Variants in BAZ1B observed in about 807,000 individuals in gnomAD.
BAZ1B encodes tyrosine-protein kinase BAZ1B.
In BAZ1B, 22 loss-of-function variants were observed where a neutral mutation model predicts 153.8. The observed-to-expected ratio is 0.14, with a 90% CI of 0.10 to 0.20. The LOEUF is 0.20. BAZ1B is among the 10% of genes least tolerant of loss of function. The probability of loss-of-function intolerance (pLI) is 1.00; values close to 1 mark genes in which losing one functional copy is unlikely to be tolerated. For synonymous variants in BAZ1B, 676 were observed against 633.4 expected (o/e 1.07, Z -1.01); for missense variants, 1,325 against 1,799.3 (o/e 0.74, Z 4.77).
chr7:73,477,834 G>A lies in BAZ1B; in HGVS notation c.1627C>T (p.Arg543Trp), dbSNP rs781855915. 1 of 1,613,434 alleles carries A rather than the reference G, an allele frequency of 6.2e-7. No homozygotes were observed. Among genetic ancestry groups the A allele is most frequent in the Non-Finnish European group, 8.5e-7 (1 of 1,179,936 alleles). ...CGTTTCTTTTTCAAATATTCTTTCCGTTGTTCTTCAGACATAGAAGCCCAC... is the reference window on the plus strand; with the variant it reads ...CGTTTCTTTTTCAAATATTCTTTCCATTGTTCTTCAGACATAGAAGCCCAC... ...KRWASMSEEQ[R>W]KEYLKKKREE... The change falls in exon 7 of 20, where the codon CGG becomes TGG. Residue 543 changes from arginine (R) to tryptophan (W), a missense_variant. Transcript: ENST00000339594. This position sits in a 1 kb window ranked among gnomAD's most constrained non-coding sequence, Gnocchi z 5.6.
At chr7:73,466,796 TTCAAGTGTCAAA>T (rs1554571224) in intron 9 of BAZ1B, among the ~76,000 whole-genome samples, 3 of 152,232 alleles carry the variant, frequency 2.0e-5, no homozygotes, top group African/African-American at 7.2e-5. Context: ...CCTTGGAGGC[TTCAAGTGTCAAA>T]TAATACAACT....
chr7:73,471,870 A>AT (rs1336683669), intron 7 of BAZ1B, among the ~76,000 whole-genome samples: 1 of 151,810 alleles, frequency 6.6e-6, no homozygotes, highest in Non-Finnish European at 1.5e-5. Flanking sequence ...AAGGTAAATG[A>AT]TTAAAAAAAA....
intron 8 of BAZ1B, 29 bp downstream of exon 8, chr7:73,470,316 G>A: frequency 6.3e-7 from 1 of 1,588,894 alleles, no homozygotes; most frequent in Non-Finnish European, 8.6e-7. Context: ...TAGTCCTAAA[G>A]AAAACAAAAA....
intron 17 of BAZ1B, 95 bp from the exon 18 acceptor site, chr7:73,442,923 A>G: frequency 1.1e-6 from 1 of 934,512 alleles, no homozygotes; most frequent in East Asian, 2.6e-5. Flanking sequence ...AAAAAGGAAG[A>G]GAGTTCAACT....
At chr7:73,501,292 A>G (rs190048807) in intron 3 of BAZ1B, among the ~76,000 whole-genome samples, 69 of 152,238 alleles carry the variant, frequency 4.5e-4, no homozygotes, top group Non-Finnish European at 8.5e-4. Flanking sequence ...CAAAAACAAC[A>G]GATTTCAAAC....
chr7:73,446,962 G>T (rs565380750), intron 16 of BAZ1B, among the ~76,000 whole-genome samples: 1 of 152,244 alleles, frequency 6.6e-6, no homozygotes, highest in East Asian at 1.9e-4. Flanking sequence ...CCCATATGCC[G>T]AGGAGCTGAG....
intron 4 of BAZ1B, among the ~76,000 whole-genome samples, chr7:73,493,705 GGTGGCACATGCCT>G (rs1789748851): frequency 1.3e-5 from 2 of 151,760 alleles, no homozygotes; most frequent in South Asian, 4.2e-4. Flanking sequence ...AGCCAGGTGT[GGTGGCACATGCCT>G]GTAGTCACAG....
At chr7:73,462,710 C>A in intron 12 of BAZ1B, 1 of 562,574 alleles carries the variant, frequency 1.8e-6, no homozygotes, top group East Asian at 3.2e-5. Context: ...AGGTTGTAAG[C>A]CAATTACTAA....
intron 13 of BAZ1B, 128 bp downstream of exon 13, chr7:73,459,408 C>A: frequency 1.1e-6 from 1 of 904,612 alleles, no homozygotes; most frequent in Non-Finnish European, 1.6e-6. Flanking sequence ...AAAAAACACA[C>A]ACACACACAA....
chr7:73,447,074 C>G (rs543223214), intron 16 of BAZ1B, among the ~76,000 whole-genome samples, 190 bp downstream of exon 16: 4 of 152,292 alleles, frequency 2.6e-5, no homozygotes, highest in Non-Finnish European at 4.4e-5. Flanking sequence ...TCTCTCCCAC[C>G]AGGCAGGAAG....
intron 6 of BAZ1B, among the ~76,000 whole-genome samples, chr7:73,483,545 T>C (rs1461000477): frequency 6.6e-6 from 1 of 152,184 alleles, no homozygotes; most frequent in African/African-American, 2.4e-5. Context: ...ATAATATAAC[T>C]TACTTTTCAT....
In BAZ1B at chr7:73,444,215, G is replaced by T; in HGVS notation, c.3845-86C>A. On this transcript the variant is annotated intron_variant, in intron 16 of 19. Transcript: ENST00000339594. ...GAAATGGGGGAAAGGGATGCAGGGA[G>T]AATCCTTTTCCTGGACAAGGAAAGC... The T allele has an allele frequency of 2.1e-6, 3 of 1,419,774 alleles. 1 individual carries two copies. The highest frequency in any genetic ancestry group is 3.0e-5 in the South Asian group (2 of 66,726). 87.9% of individuals were successfully genotyped at this position (1,419,774 alleles called of 1,614,324 possible). A position where few individuals can be genotyped will look rare whatever the true frequency, so the allele number is the denominator to read the frequency against.
Position 73,478,439 on chromosome 7 carries a change from T to C in BAZ1B, c.1022A>G (p.His341Arg), listed in dbSNP as rs1789077286. 1.2e-6 allele frequency: 2 copies of C among 1,613,028 alleles called. No individual in the cohort carries two copies. Among genetic ancestry groups the C allele is most frequent in the South Asian group, 1.1e-5 (1 of 90,842 alleles). ...PLNPKLWCHV[H>R]LKKSLSGSPL... is the part of the protein sequence containing the mutation. ...CGAGCCACTCAATGACTTCTTCAAG[T>C]GTACGTGACACCATAACTTAGGATT... The change falls in exon 7 of 20, where the codon CAC becomes CGC. Residue 341 changes from histidine (H) to arginine (R), a missense_variant. Around this residue, in one of 9 missense-constraint regions of BAZ1B, gnomAD observed 219 missense variants for 248.2 expected, o/e 0.88. Coordinates refer to ENST00000339594, the MANE Select transcript of BAZ1B (RefSeq NM_032408.4).
intron 3 of BAZ1B, among the ~76,000 whole-genome samples, chr7:73,499,871 A>G (rs2116415639): frequency 6.6e-6 from 1 of 152,314 alleles, no homozygotes; most frequent in East Asian, 1.9e-4. Context: ...TTATGTTAAC[A>G]TGGCATGTAT....
intron 10 of BAZ1B, 120 bp downstream of exon 10, chr7:73,466,176 A>G (rs1583902621): frequency 1.5e-6 from 1 of 671,552 alleles, no homozygotes; most frequent in Non-Finnish European, 2.5e-6. Context: ...CCAAAATATC[A>G]GTCACACAAA....
chr7:73,502,654 TAC>T (rs771942364), intron 3 of BAZ1B, among the ~76,000 whole-genome samples: 3 of 152,028 alleles, frequency 2.0e-5, no homozygotes, highest in Non-Finnish European at 2.9e-5. Flanking sequence ...GCATTATAGC[TAC>T]AGTCCCAGCT....
At chr7:73,443,833 G>C (rs1787720898) in intron 17 of BAZ1B, 151 bp downstream of exon 17, 2 of 1,110,018 alleles carry the variant, frequency 1.8e-6, no homozygotes, top group East Asian at 2.4e-5. Context: ...CTGCGTACAG[G>C]CTCACCCATC....
intron 6 of BAZ1B, among the ~76,000 whole-genome samples, chr7:73,481,589 C>T (rs1377686348): frequency 7.3e-5 from 11 of 151,232 alleles, no homozygotes; most frequent in African/African-American, 1.9e-4. Context: ...CATGGCTACA[C>T]GCAGAGGAAA....
rs1455832409 is a variant in BAZ1B, at chr7:73,522,030, T to C, written c.-97A>G. On this transcript the variant is annotated 5_prime_UTR_variant, in exon 1 of 20. Coordinates refer to ENST00000339594, the MANE Select transcript of BAZ1B (RefSeq NM_032408.4). ...GGAGCGAGCGCCAGGCGCCCGGGGG[T>C]GGGGTGGGGGAAGGGAGGGGTGAGA... 2 of 634,824 alleles carry C rather than the reference T, an allele frequency of 3.2e-6. No homozygotes were observed. Among genetic ancestry groups the C allele is most frequent in the African/African-American group, 2.1e-5 (1 of 48,438 alleles). The allele number at this position is 634,824 out of a possible 1,614,324, so 39.3% of individuals were successfully genotyped here.
Sources: allele counts gnomAD v4.1 joint callset (sites outside exome capture counted in the v4.1 genomes callset), GRCh38; gene constraint gnomAD v4.1.1; regional missense constraint gnomAD v4.1.1; non-coding constraint Gnocchi (gnomAD v3.1); transcripts MANE v1.5; gene names NCBI Gene and HGNC (gene_info 2026-07-23, HGNC 2026-07-21).